Variants in GLCE observed in about 807,000 individuals in gnomAD.
GLCE encodes D-glucuronyl C5-epimerase.
GLCE carries 19 observed loss-of-function variants against 47.9 expected under a neutral mutation model. The ratio of observed to expected loss-of-function variants is 0.40; its 90% CI spans 0.28 to 0.58. GLCE has a LOEUF of 0.58. Among genes scored for constraint, GLCE ranks in the 20% least tolerant of loss-of-function variants. The pLI, the probability that GLCE is intolerant of heterozygous loss-of-function variation, is 0.48. For missense variants in GLCE, 556 were observed against 743.3 expected (o/e 0.75, Z 2.93); for synonymous variants, 245 against 263.4 (o/e 0.93, Z 0.68).
At chr15:69,182,513 G>A (rs1481114950) in intron 1 of GLCE, among the ~76,000 whole-genome samples, 1 of 152,110 alleles carries the variant, frequency 6.6e-6, no homozygotes, top group South Asian at 2.1e-4. Context: ...AGGAAGACAA[G>A]TAGTTAAGCA....
At position 69,268,795 on chromosome 15, in the gene GLCE, T is replaced by G. The variant is rs778430179; in HGVS notation, c.1405T>G (p.Ser469Ala). ...AACAAAAGACCATATATTCCTCAAT[T>G]CAGCTTTAAGGGCAACAGCCCCTTA... The part of the protein sequence containing the change: ...LLTKDHIFLN[S>A]ALRATAPYKF... The change falls in exon 5 of 5, where the codon TCA becomes GCA. Residue 469 changes from serine to alanine, a missense_variant. Ser to Ala is a moderately conservative substitution (Grantham distance 99, BLOSUM62 1). Around this residue, in one of 3 missense-constraint regions of GLCE, gnomAD observed 245 missense variants for 368.1 expected, o/e 0.67. Transcript: ENST00000261858. The G allele has an allele frequency of 6.2e-7, 1 of 1,614,028 alleles. No homozygotes were observed. Among genetic ancestry groups the G allele is most frequent in the African/African-American group, 1.3e-5 (1 of 74,924 alleles).
At chr15:69,161,322 G>A (rs758954531) in intron 1 of GLCE, among the ~76,000 whole-genome samples, 2 of 151,934 alleles carry the variant, frequency 1.3e-5, no homozygotes, top group Non-Finnish European at 2.9e-5. Flanking sequence ...GGGGAGAGGG[G>A]TCTGTTCATC....
chr15:69,172,311 C>T (rs1566946257), intron 1 of GLCE, among the ~76,000 whole-genome samples: 1 of 152,176 alleles, frequency 6.6e-6, no homozygotes, highest in Non-Finnish European at 1.5e-5. Context: ...GTTGTCGGTA[C>T]TTAACAAAAG....
intron 2 of GLCE, among the ~76,000 whole-genome samples, chr15:69,218,819 C>T (rs2052341105): frequency 6.6e-6 from 1 of 152,054 alleles, no homozygotes; most frequent in Admixed American, 6.6e-5. Context: ...ATCTGTGAAT[C>T]AGAAATAATG....
intron 1 of GLCE, among the ~76,000 whole-genome samples, chr15:69,166,897 A>G (rs1156993431): frequency 9.4e-6 from 1 of 106,182 alleles, no homozygotes; most frequent in Non-Finnish European, 1.8e-5. Context: ...CGACAGACCT[A>G]GACTCTGTCT....
At chr15:69,215,867 T>C (rs947903134) in intron 2 of GLCE, among the ~76,000 whole-genome samples, 2 of 152,172 alleles carry the variant, frequency 1.3e-5, no homozygotes, top group African/African-American at 4.8e-5. Context: ...GTCATCCTTA[T>C]ATGTTTGTGA....
intron 4 of GLCE, among the ~76,000 whole-genome samples, chr15:69,267,733 G>A (rs1363196239): frequency 6.6e-6 from 1 of 152,004 alleles, no homozygotes. Context: ...TAGGTGTAAA[G>A]CCCTTAGAAC....
At chr15:69,262,277 A>T (rs1233722179) in intron 4 of GLCE, among the ~76,000 whole-genome samples, 1 of 152,172 alleles carries the variant, frequency 6.6e-6, no homozygotes, top group Non-Finnish European at 1.5e-5. Flanking sequence ...TTATTCTGTC[A>T]CTAGAACTCC....
At chr15:69,253,532 T>C (rs879735412) in intron 2 of GLCE, among the ~76,000 whole-genome samples, 7 of 152,058 alleles carry the variant, frequency 4.6e-5, no homozygotes, top group African/African-American at 7.2e-5. Flanking sequence ...ACTAATGGCA[T>C]GAAAGACTAA....
At position 69,225,597 on chromosome 15, in the gene GLCE, G is replaced by A. The variant is rs368713479; in HGVS notation, c.-14+15191G>A. ...AACTTGAGTAGACATTAGACTGAAA[G>A]TATGCACAACTTCCTGTAAATTATG... is the stretch of plus-strand genomic sequence containing the variant. On this transcript the variant is annotated intron_variant, in intron 2 of 4. Coordinates refer to ENST00000261858, the MANE Select transcript of GLCE (RefSeq NM_015554.3). Among the ~76,000 whole-genome samples the A allele has an allele frequency of 5.7e-4, 87 of 152,258 alleles. 2 individuals carry two copies. In the South Asian group the frequency reaches 0.018, roughly 32 times the overall value.
At chr15:69,248,267 G>T (rs770443287) in intron 2 of GLCE, among the ~76,000 whole-genome samples, 4 of 152,102 alleles carry the variant, frequency 2.6e-5, no homozygotes, top group Admixed American at 6.5e-5. Context: ...TTAACAATTT[G>T]ACTGTATAAT....
intron 1 of GLCE, among the ~76,000 whole-genome samples, chr15:69,181,371 T>G (rs2051746696): frequency 1.3e-5 from 2 of 152,070 alleles, no homozygotes; most frequent in South Asian, 4.1e-4. Flanking sequence ...GAGGCGAAGG[T>G]CCAGGACAGA....
At chr15:69,263,315 A>T (rs2053039597) in intron 4 of GLCE, among the ~76,000 whole-genome samples, 1 of 152,198 alleles carries the variant, frequency 6.6e-6, no homozygotes, top group East Asian at 1.9e-4. Flanking sequence ...TATAGACCTC[A>T]TGGGAGATAA....
intron 2 of GLCE, among the ~76,000 whole-genome samples, chr15:69,248,718 A>G (rs1177704626): frequency 6.6e-6 from 1 of 152,022 alleles, no homozygotes; most frequent in East Asian, 1.9e-4. Flanking sequence ...CTCCTGCCTC[A>G]GCCTCCCAAG....
At chr15:69,174,661 A>T (rs1261540722) in intron 1 of GLCE, among the ~76,000 whole-genome samples, 1 of 152,140 alleles carries the variant, frequency 6.6e-6, no homozygotes, top group Non-Finnish European at 1.5e-5. Flanking sequence ...AACCCCAAAG[A>T]TTATTAACTT....
intron 4 of GLCE, among the ~76,000 whole-genome samples, chr15:69,267,949 A>C (rs1377606253): frequency 6.6e-6 from 1 of 151,304 alleles, no homozygotes; most frequent in East Asian, 1.9e-4. Context: ...ACAATACCTT[A>C]GCCATTTGCT....
At chr15:69,172,956 A>AT (rs922222771) in intron 1 of GLCE, among the ~76,000 whole-genome samples, 12 of 151,348 alleles carry the variant, frequency 7.9e-5, no homozygotes, top group African/African-American at 2.2e-4. Flanking sequence ...CCTATAGTTG[A>AT]TTTTTTTTTC....
At chr15:69,250,200 C>A (rs924352475) in intron 2 of GLCE, among the ~76,000 whole-genome samples, 6 of 152,068 alleles carry the variant, frequency 3.9e-5, no homozygotes, top group Admixed American at 2.0e-4. Flanking sequence ...ATCATTTATA[C>A]CTAGCAGAAT....
chr15:69,253,216 A>G (rs190379079), intron 2 of GLCE, among the ~76,000 whole-genome samples: 92 of 152,350 alleles, frequency 6.0e-4, no homozygotes, highest in Non-Finnish European at 9.4e-4. Flanking sequence ...GATTTTCTTT[A>G]CAGAGCATGA....
Sources: allele counts gnomAD v4.1 joint callset (sites outside exome capture counted in the v4.1 genomes callset), GRCh38; gene constraint gnomAD v4.1.1; regional missense constraint gnomAD v4.1.1; transcripts MANE v1.5; gene names NCBI Gene and HGNC (gene_info 2026-07-23, HGNC 2026-07-21).